Variants in GCNT2 observed in about 807,000 individuals in gnomAD.
GCNT2 encodes glucosaminyl (N-acetyl) transferase 2 (I blood group), also known as N-acetyllactosaminide beta-1,6-N-acetylglucosaminyl-transferase.
GCNT2 carries 34 observed loss-of-function variants against 34.2 expected under a neutral mutation model. The ratio of observed to expected loss-of-function variants is 1.00; its 90% CI spans 0.76 to 1.32. GCNT2 has a LOEUF of 1.32. Among genes scored for constraint, GCNT2 ranks in the 40% most tolerant of loss-of-function variants. The pLI is 0.00. For synonymous variants in GCNT2, 212 were observed against 188.0 expected, an observed-to-expected ratio of 1.13 and a Z score of -1.04; for missense variants, 584 against 489.4, an observed-to-expected ratio of 1.19 and a Z score of -1.82.
chr6:10,558,771 T>TTGAACCC (rs1429632024), intron 3 of GCNT2, among the ~76,000 whole-genome samples: 6 of 152,232 alleles, frequency 3.9e-5, no homozygotes, highest in Non-Finnish European at 5.9e-5. Flanking sequence ...TGCCTGGTGT[T>TTGAACCC]TGAATCCCAG....
chr6:10,533,086 C>T (rs950204012), intron 3 of GCNT2, among the ~76,000 whole-genome samples: 1 of 151,714 alleles, frequency 6.6e-6, no homozygotes, highest in African/African-American at 2.4e-5. Flanking sequence ...CTGGGTGGAT[C>T]GCCTGAAGTC....
At chr6:10,556,335 G>A in intron 3 of GCNT2, 1 of 1,597,022 alleles carries the variant, frequency 6.3e-7, no homozygotes, top group Non-Finnish European at 8.5e-7. Context: ...GGAGTATGTT[G>A]CAAAATAAGA....
chr6:10,542,774 T>C (rs1456838351), intron 3 of GCNT2, among the ~76,000 whole-genome samples: 4 of 152,144 alleles, frequency 2.6e-5, no homozygotes, highest in Non-Finnish European at 4.4e-5. Context: ...TTGCTTCTAC[T>C]TTTGGCTTGT....
chr6:10,537,368 C>G (rs1251470468), intron 3 of GCNT2, among the ~76,000 whole-genome samples: 1 of 152,092 alleles, frequency 6.6e-6, no homozygotes, highest in Non-Finnish European at 1.5e-5. Flanking sequence ...GGTTACATCC[C>G]AAGAAACTCA....
chr6:10,551,818 C>T (rs938243752), intron 3 of GCNT2, among the ~76,000 whole-genome samples: 92 of 151,936 alleles, frequency 6.1e-4, no homozygotes, highest in African/African-American at 2.1e-3. Flanking sequence ...AGTGCAGTGG[C>T]GCCACCTCGG....
At chr6:10,548,269 C>T (rs1032779836) in intron 3 of GCNT2, among the ~76,000 whole-genome samples, 8 of 152,264 alleles carry the variant, frequency 5.3e-5, no homozygotes, top group African/African-American at 1.9e-4. Context: ...AAAGTGAACA[C>T]CACAGTTCTC....
At chr6:10,616,948 T>C (rs1765794855) in intron 3 of GCNT2, among the ~76,000 whole-genome samples, 1 of 152,146 alleles carries the variant, frequency 6.6e-6, no homozygotes, top group African/African-American at 2.4e-5. Context: ...TAGCTAGACA[T>C]AAAGGTTCTC....
intron 3 of GCNT2, among the ~76,000 whole-genome samples, chr6:10,614,364 C>T (rs1161620943): frequency 2.6e-5 from 4 of 152,108 alleles, no homozygotes; most frequent in African/African-American, 7.2e-5. Flanking sequence ...CAGTGGCTCA[C>T]GGCTGTAATC....
chr6:10,600,616 A>C (rs1196783075), intron 3 of GCNT2, among the ~76,000 whole-genome samples: 1 of 151,970 alleles, frequency 6.6e-6, no homozygotes, highest in Non-Finnish European at 1.5e-5. Context: ...CCTTTTCCGG[A>C]AAGTCATATT....
At chr6:10,613,445 G>GGTACGGT (rs1321777512) in intron 3 of GCNT2, among the ~76,000 whole-genome samples, 1 of 151,844 alleles carries the variant, frequency 6.6e-6, no homozygotes, top group Non-Finnish European at 1.5e-5. Flanking sequence ...GTGAATGAAG[G>GGTACGGT]GTACGGTCCT....
Position 10,627,289 on chromosome 6 carries a change from G to C in GCNT2, c.*682G>C, listed in dbSNP as rs80071169. On this transcript the variant is annotated 3_prime_UTR_variant, in exon 5 of 5. Transcript: ENST00000495262. Reference sequence around the variant, plus strand: ...TAAAACATTTCTCTCTTATATGCCAGAATGTAGGCTGGTCCCTATGTCATG... The same window carrying C: ...TAAAACATTTCTCTCTTATATGCCACAATGTAGGCTGGTCCCTATGTCATG... The C allele has an allele frequency of 0.03, 4,543 of 152,546 alleles. 107 individuals are homozygous for C. The highest frequency in any genetic ancestry group is 0.086 in the Middle Eastern group (25 of 292). 9.4% of individuals were successfully genotyped at this position (152,546 alleles called of 1,614,324 possible).
intron 3 of GCNT2, among the ~76,000 whole-genome samples, chr6:10,548,651 A>G (rs558453299): frequency 2.0e-5 from 3 of 152,270 alleles, no homozygotes; most frequent in East Asian, 1.9e-4. Context: ...TATTTTTTCT[A>G]TCTGGCTTGC....
rs1019807312 is a variant in GCNT2, at chr6:10,577,343, A to G, written c.926-44008A>G. On this transcript the variant is annotated intron_variant, in intron 3 of 4. Coordinates refer to ENST00000495262, the MANE Select transcript of GCNT2 (RefSeq NM_145649.5). ...CCTCTCATCCCAGGCAAGTGACTAC[A>G]TTCCCTACCTTCGGGAGCTCAGCCA... Among the ~76,000 whole-genome samples, 36 of 152,178 alleles carry G rather than the reference A, an allele frequency of 2.4e-4. 1 individual carries two copies. The highest frequency in any genetic ancestry group is 8.0e-4 in the African/African-American group (33 of 41,452).
chr6:10,567,671 C>G (rs1306098612), intron 3 of GCNT2, among the ~76,000 whole-genome samples: 1 of 152,190 alleles, frequency 6.6e-6, no homozygotes, highest in African/African-American at 2.4e-5. Context: ...ACAAATTGAT[C>G]TCTTCTTACT....
chr6:10,582,209 A>T lies in GCNT2; in HGVS notation c.926-39142A>T, dbSNP rs1280842600. ...TATTTTTATATAATATATAAAATTTATTATATATATAATTATATATATTTA... is the reference window on the plus strand; with the variant it reads ...TATTTTTATATAATATATAAAATTTTTTATATATATAATTATATATATTTA... On this transcript the variant is annotated intron_variant, in intron 3 of 4. Transcript: ENST00000495262. Among the ~76,000 whole-genome samples the T allele has an allele frequency of 4.3e-3, 549 of 127,248 alleles. 6 individuals are homozygous for T. The highest frequency in any genetic ancestry group is 0.014 in the African/African-American group (473 of 33,288). 83.5% of individuals were successfully genotyped at this position (127,248 alleles called of 152,430 possible).
intron 3 of GCNT2, among the ~76,000 whole-genome samples, chr6:10,599,483 A>T (rs779859189): frequency 6.6e-6 from 1 of 152,218 alleles, no homozygotes; most frequent in South Asian, 2.1e-4. Context: ...CCATCTCCCT[A>T]TCAGCTTCCA....
chr6:10,528,905 G>A lies in GCNT2; in HGVS notation c.-7G>A, dbSNP rs773992394. The A allele has an allele frequency of 1.2e-6, 2 of 1,602,472 alleles. No homozygotes were observed. Among genetic ancestry groups the A allele is most frequent in the African/African-American group, 1.3e-5 (1 of 74,692 alleles). ...AGAGAGATATTTTACTCATTTCCTG[G>A]TTGTGAATGATGGGCTCTTGGAAGC... On this transcript the variant is annotated 5_prime_UTR_variant, in exon 3 of 5. Transcript: ENST00000495262.
intron 3 of GCNT2, chr6:10,557,346 C>G: frequency 6.2e-7 from 1 of 1,604,296 alleles, no homozygotes; most frequent in Non-Finnish European, 8.5e-7. Flanking sequence ...ATTCCAGGTA[C>G]GTACAATTCC....
intron 3 of GCNT2, among the ~76,000 whole-genome samples, chr6:10,582,535 T>TA (rs1491307883): frequency 1.6e-5 from 2 of 121,722 alleles, no homozygotes; most frequent in African/African-American, 7.0e-5. Context: ...ACATCATATA[T>TA]TATATATCAT....
Sources: allele counts gnomAD v4.1 joint callset (sites outside exome capture counted in the v4.1 genomes callset), GRCh38; gene constraint gnomAD v4.1.1; transcripts MANE v1.5; gene names NCBI Gene and HGNC (gene_info 2026-07-23, HGNC 2026-07-21).